The following PPFIA2 variants were observed in gnomAD, a reference collection of about 807,000 sequenced individuals.
The protein encoded by PPFIA2 is PPFI scaffold protein A2.
A neutral mutation model predicts 175.5 loss-of-function variants in PPFIA2; 46 were observed. That is an observed-to-expected ratio of 0.26 (90% CI 0.21 to 0.34). The LOEUF (loss-of-function observed/expected upper bound fraction) is 0.34, where lower values mean the gene tolerates loss of function less well. Among genes scored for constraint, PPFIA2 ranks in the 10% least tolerant of loss-of-function variants. The pLI is 1.00. For synonymous variants in PPFIA2, 568 were observed against 511.4 expected, an observed-to-expected ratio of 1.11 and a Z score of -1.49; for missense variants, 1,179 against 1,506.1, an observed-to-expected ratio of 0.78 and a Z score of 3.60.
chr12:81,459,411 T>A (rs7133044), intron 4 of PPFIA2, among the ~76,000 whole-genome samples: 7 of 152,162 alleles, frequency 4.6e-5, no homozygotes, highest in African/African-American at 1.7e-4. Flanking sequence ...CTTATACTTA[T>A]GTATATTATA....
At chr12:81,291,005 C>T (rs560652447) in intron 24 of PPFIA2, among the ~76,000 whole-genome samples, 1 of 151,548 alleles carries the variant, frequency 6.6e-6, no homozygotes, top group South Asian at 2.1e-4. Context: ...GAAGAAAATG[C>T]TTACACTACA....
At chr12:81,526,271 T>C (rs1354235846) in intron 4 of PPFIA2, among the ~76,000 whole-genome samples, 1 of 152,190 alleles carries the variant, frequency 6.6e-6, no homozygotes, top group Admixed American at 6.5e-5. Context: ...GTCTTTTTCC[T>C]GATAGTTGAG....
At chr12:81,714,019 C>T (rs796873616) in intron 3 of PPFIA2, among the ~76,000 whole-genome samples, 13 of 151,046 alleles carry the variant, frequency 8.6e-5, no homozygotes, top group African/African-American at 2.9e-4. Flanking sequence ...AAATGAGGAA[C>T]GATCTGTGAA....
chr12:81,383,618 T>A (rs2038271049), intron 9 of PPFIA2, among the ~76,000 whole-genome samples: 1 of 152,048 alleles, frequency 6.6e-6, no homozygotes, highest in Non-Finnish European at 1.5e-5. Context: ...AGAGATACAT[T>A]CCCCTTCATG....
intron 4 of PPFIA2, among the ~76,000 whole-genome samples, chr12:81,586,914 AAC>A (rs1489998967): frequency 1.3e-5 from 2 of 151,928 alleles, no homozygotes; most frequent in African/African-American, 4.8e-5. Context: ...TCATTAAAAC[AAC>A]AGTTAATCTT....
intron 3 of PPFIA2, among the ~76,000 whole-genome samples, chr12:81,752,435 T>C (rs1424000017): frequency 6.6e-6 from 1 of 152,186 alleles, no homozygotes; most frequent in Non-Finnish European, 1.5e-5. Flanking sequence ...AAATATAATA[T>C]TTGGTGTAGC....
At chr12:81,587,449 C>T (rs917887242) in intron 4 of PPFIA2, among the ~76,000 whole-genome samples, 44 of 151,988 alleles carry the variant, frequency 2.9e-4, no homozygotes, top group Non-Finnish European at 5.6e-4. Flanking sequence ...GTTAATTAAA[C>T]ATCTTTTATT....
chr12:81,584,000 A>G (rs955183650), intron 4 of PPFIA2, among the ~76,000 whole-genome samples: 55 of 151,994 alleles, frequency 3.6e-4, no homozygotes, highest in African/African-American at 1.1e-3. Flanking sequence ...TTCTTTCTCA[A>G]TTGACACATT....
Position 81,259,322 on chromosome 12 carries a change from A to G in PPFIA2, c.*372T>C, listed in dbSNP as rs1390623447. On this transcript the variant is annotated 3_prime_UTR_variant, in exon 33 of 33. Coordinates refer to ENST00000549396, the MANE Select transcript of PPFIA2 (RefSeq NM_003625.5). ...AATCATATTTATATCCATTTACATA[A>G]GACTTACACATTTAAAAAGAAATGC... The G allele has an allele frequency of 2.2e-6, 1 of 461,970 alleles. No individual in the cohort carries two copies. The highest frequency in any genetic ancestry group is 4.0e-6 in the Non-Finnish European group (1 of 250,508). The allele number at this position is 461,970 out of a possible 1,614,324, so 28.6% of individuals were successfully genotyped here. A position where few individuals can be genotyped will look rare whatever the true frequency, so the allele number is the denominator to read the frequency against.
At chr12:81,457,924 T>A in intron 4 of PPFIA2, 58 bp from the exon 5 acceptor site, 1 of 1,179,486 alleles carries the variant, frequency 8.5e-7, no homozygotes, top group Non-Finnish European at 1.2e-6. Context: ...CAGAAAAAAA[T>A]TCAAAATATA....
At chr12:81,710,775 A>T (rs1018096201) in intron 3 of PPFIA2, among the ~76,000 whole-genome samples, 1 of 147,638 alleles carries the variant, frequency 6.8e-6, no homozygotes, top group African/African-American at 2.4e-5. Context: ...AACCTGTCAC[A>T]TGAGGTCAGG....
intron 3 of PPFIA2, among the ~76,000 whole-genome samples, chr12:81,698,793 A>T (rs1391805630): frequency 6.6e-6 from 1 of 151,988 alleles, no homozygotes; most frequent in African/African-American, 2.4e-5. Flanking sequence ...CCACAAACAC[A>T]CACATCTAGT....
At chr12:81,368,676 CATG>C (rs1333013869) in intron 13 of PPFIA2, 46 bp downstream of exon 13, 1 of 1,555,506 alleles carries the variant, frequency 6.4e-7, no homozygotes, top group Non-Finnish European at 8.7e-7. Context: ...ATAAAACAAA[CATG>C]AGCATTGCAA....
At position 81,642,703 on chromosome 12, in the gene PPFIA2, T is replaced by TATAATATATACATA. The variant is rs1595912928; in HGVS notation, c.303+34087_303+34088insTATGTATATATTAT. Among the ~76,000 whole-genome samples the TATAATATATACATA allele has an allele frequency of 5.7e-3, 79 of 13,942 alleles. 27 individuals carry two copies. Among genetic ancestry groups the TATAATATATACATA allele is most frequent in the Non-Finnish European group, 8.3e-3 (68 of 8,208 alleles). The allele number at this position is 13,942 out of a possible 152,430, so 9.1% of individuals were successfully genotyped here. A position where few individuals can be genotyped will look rare whatever the true frequency, so the allele number is the denominator to read the frequency against. Reference sequence around the variant, plus strand: ...TGTATCTATTATATACATACATGTATATGTATGTATGTATTATATACATAC... The same window carrying TATAATATATACATA: ...TGTATCTATTATATACATACATGTATATAATATATACATAATGTATGTATGTATTATATACATAC... On this transcript the variant is annotated intron_variant, in intron 4 of 32. Coordinates refer to ENST00000549396, the MANE Select transcript of PPFIA2 (RefSeq NM_003625.5).
At chr12:81,529,113 G>C (rs187569201) in intron 4 of PPFIA2, among the ~76,000 whole-genome samples, 4,605 of 152,024 alleles carry the variant, frequency 0.03, 93 homozygotes, top group African/African-American at 0.046. Flanking sequence ...CTGGAATCAA[G>C]AAAGGCACAG....
At chr12:81,281,750 G>C (rs2042136900) in intron 26 of PPFIA2, among the ~76,000 whole-genome samples, 1 of 151,990 alleles carries the variant, frequency 6.6e-6, no homozygotes, top group East Asian at 1.9e-4. Context: ...TGAGCTTTAA[G>C]ATTCTGTCTT....
chr12:81,627,067 A>G (rs1395071433), intron 4 of PPFIA2, among the ~76,000 whole-genome samples: 1 of 152,082 alleles, frequency 6.6e-6, no homozygotes, highest in African/African-American at 2.4e-5. Context: ...TTAAAAAGCA[A>G]GAGTCATTTT....
chr12:81,354,343 T>A (rs886814755), intron 16 of PPFIA2, among the ~76,000 whole-genome samples: 3 of 152,186 alleles, frequency 2.0e-5, no homozygotes, highest in African/African-American at 7.2e-5. Context: ...AACTGTGTAA[T>A]CTAATATTTT....
intron 4 of PPFIA2, among the ~76,000 whole-genome samples, chr12:81,585,591 T>G (rs2075193778): frequency 6.6e-6 from 1 of 151,816 alleles, no homozygotes; most frequent in African/African-American, 2.4e-5. Context: ...ATCACCACCA[T>G]TGTCGTCCAC....
Sources: allele counts gnomAD v4.1 joint callset (sites outside exome capture counted in the v4.1 genomes callset), GRCh38; gene constraint gnomAD v4.1.1; transcripts MANE v1.5; gene names NCBI Gene and HGNC (gene_info 2026-07-23, HGNC 2026-07-21).